Variants in SLC5A1 observed in about 807,000 individuals in gnomAD.
The protein encoded by SLC5A1 is sodium/glucose cotransporter 1.
Under a neutral mutation model 73.5 loss-of-function variants are expected in SLC5A1, and 42 were observed. The ratio of observed to expected loss-of-function variants is 0.57; its 90% CI spans 0.45 to 0.74. The LOEUF (loss-of-function observed/expected upper bound fraction) is 0.74, where lower values mean the gene tolerates loss of function less well. Ranked by LOEUF, SLC5A1 falls within the 30% of genes least tolerant of loss-of-function variation. The pLI, the probability that SLC5A1 is intolerant of heterozygous loss-of-function variation, is 0.00. For synonymous variants in SLC5A1, 300 were observed against 317.4 expected (o/e 0.95, Z 0.58); for missense variants, 634 against 855.4 (o/e 0.74, Z 3.23).
intron 10 of SLC5A1, among the ~76,000 whole-genome samples, chr22:32,090,388 T>C (rs1302440890): frequency 1.3e-5 from 2 of 152,206 alleles, no homozygotes; most frequent in Non-Finnish European, 2.9e-5. Context: ...TTCATATAAA[T>C]AGAATCATAT....
At chr22:32,074,972 A>G (rs1280556019) in intron 5 of SLC5A1, among the ~76,000 whole-genome samples, 3 of 151,884 alleles carry the variant, frequency 2.0e-5, no homozygotes, top group South Asian at 2.1e-4. Flanking sequence ...TCATGGGTCA[A>G]TGCAACCTTA....
intron 10 of SLC5A1, among the ~76,000 whole-genome samples, chr22:32,091,287 A>G (rs1450817403): frequency 2.2e-5 from 3 of 134,392 alleles, no homozygotes; most frequent in African/African-American, 8.9e-5. Flanking sequence ...AGATGGAAAC[A>G]CACATACACA....
At position 32,084,540 on chromosome 22, in the gene SLC5A1, T is replaced by C. The variant is rs999176622; in HGVS notation, c.766T>C (p.Tyr256His). The C allele has an allele frequency of 1.2e-6, 2 of 1,614,258 alleles. No individual in the cohort carries two copies. The highest frequency in any genetic ancestry group is 1.7e-6 in the Non-Finnish European group (2 of 1,180,048). ...DGNTTFQEKC[Y>H]TPRADSFHIF... ...CAACACCACCTTTCAGGAAAAATGC[T>C]ACACTCCAAGGGCCGACTCCTTCCA... The change falls in exon 8 of 15, where the codon TAC becomes CAC. Residue 256 changes from tyrosine to histidine, a missense_variant. Coordinates refer to ENST00000266088, the MANE Select transcript of SLC5A1 (RefSeq NM_000343.4).
At position 32,094,815 on chromosome 22, in the gene SLC5A1, T is replaced by C. The variant is rs575204940; in HGVS notation, c.1280+3053T>C. Among the ~76,000 whole-genome samples, 3 of 151,928 alleles carry C rather than the reference T, an allele frequency of 2.0e-5. No homozygotes were observed. The East Asian group carries it at 5.8e-4, about 29-fold the overall frequency. On this transcript the variant is annotated intron_variant, in intron 11 of 14. Coordinates refer to ENST00000266088, the MANE Select transcript of SLC5A1 (RefSeq NM_000343.4). Reference sequence around the variant, plus strand: ...AACTTTTTGTTTCATTTATCTTTTGTATTTTTTTTTTGGTTTCACTTTCTT... The same window carrying C: ...AACTTTTTGTTTCATTTATCTTTTGCATTTTTTTTTTGGTTTCACTTTCTT...
intron 14 of SLC5A1, among the ~76,000 whole-genome samples, chr22:32,109,417 G>A (rs1451152685): frequency 1.3e-5 from 2 of 152,158 alleles, no homozygotes; most frequent in East Asian, 1.9e-4. Flanking sequence ...ATTAAGCAGT[G>A]CTGATATGTG....
chr22:32,048,968 G>A (rs12159803), intron 1 of SLC5A1, among the ~76,000 whole-genome samples: 4,954 of 151,876 alleles, frequency 0.033, 247 homozygotes, highest in African/African-American at 0.11. Flanking sequence ...TACTCAGGAG[G>A]CTGAGGCACG....
intron 12 of SLC5A1, among the ~76,000 whole-genome samples, 185 bp downstream of exon 12, chr22:32,099,536 G>A (rs898116624): frequency 3.3e-5 from 5 of 151,682 alleles, no homozygotes; most frequent in Admixed American, 6.6e-5. Context: ...TGAGCTCCTC[G>A]GGAGTTGGTA....
At chr22:32,108,524 G>A (rs937115740) in intron 14 of SLC5A1, among the ~76,000 whole-genome samples, 2 of 152,054 alleles carry the variant, frequency 1.3e-5, no homozygotes, top group Non-Finnish European at 2.9e-5. Context: ...AAGGGGAGAG[G>A]TGTGAGTGTG....
chr22:32,083,974 C>T (rs950215598), intron 7 of SLC5A1, among the ~76,000 whole-genome samples: 1 of 152,192 alleles, frequency 6.6e-6, no homozygotes, highest in East Asian at 1.9e-4. Context: ...CATCCCACCA[C>T]ATGCTGGGTC....
chr22:32,107,340 C>T (rs1304449538), intron 14 of SLC5A1, among the ~76,000 whole-genome samples: 1 of 152,178 alleles, frequency 6.6e-6, no homozygotes, highest in African/African-American at 2.4e-5. Flanking sequence ...GCAGACTTAA[C>T]ACTGGTGGGT....
chr22:32,076,473 G>A (rs890207503), intron 5 of SLC5A1, among the ~76,000 whole-genome samples: 7 of 152,190 alleles, frequency 4.6e-5, no homozygotes, highest in East Asian at 1.9e-4. Context: ...GAATGTTCAT[G>A]TCCCCATTTG....
At chr22:32,061,704 A>C (rs1167684319) in intron 2 of SLC5A1, among the ~76,000 whole-genome samples, 1 of 152,234 alleles carries the variant, frequency 6.6e-6, no homozygotes, top group Non-Finnish European at 1.5e-5. Context: ...GGACTGGCCT[A>C]GGTCCTCCGT....
At chr22:32,074,198 CTT>C (rs1217095930) in intron 5 of SLC5A1, among the ~76,000 whole-genome samples, 2 of 152,146 alleles carry the variant, frequency 1.3e-5, no homozygotes, top group Non-Finnish European at 2.9e-5. Context: ...TAAGAGCACT[CTT>C]TGTCCTCAGA....
At chr22:32,096,557 T>C (rs1175052707) in intron 11 of SLC5A1, among the ~76,000 whole-genome samples, 3 of 152,232 alleles carry the variant, frequency 2.0e-5, no homozygotes. Flanking sequence ...GAATATACTC[T>C]GTAAAGTCAG....
In SLC5A1 at chr22:32,099,239, C is replaced by G; in HGVS notation, c.1337C>G (p.Ser446Ter). 6.2e-7 allele frequency: 1 copy of G among 1,612,838 alleles called. No homozygotes were observed. Among genetic ancestry groups the G allele is most frequent in the Non-Finnish European group, 8.5e-7 (1 of 1,179,682 alleles). The stretch of plus-strand genomic sequence containing the variant: ...ATCGCCTGGGTGCCCATTGTGCAGT[C>G]AGCACAAAGTGGGCAACTCTTCGAT... ...ISIAWVPIVQ[S>*]AQSGQLFDYI... Residue 446 changes from serine (S) to a stop codon, truncating the protein, a stop_gained, in exon 12 of 15, where the codon TCA (serine) becomes TGA (stop). Transcript: ENST00000266088. LOFTEE classifies it high-confidence loss of function.
intron 5 of SLC5A1, among the ~76,000 whole-genome samples, chr22:32,080,087 T>C (rs1312884556): frequency 1.3e-5 from 2 of 152,110 alleles, no homozygotes; most frequent in Non-Finnish European, 2.9e-5. Flanking sequence ...CCCAAAGGTT[T>C]GCAGGCCTAG....
At chr22:32,068,666 C>A in intron 5 of SLC5A1, 66 bp downstream of exon 5, 2 of 1,106,424 alleles carry the variant, frequency 1.8e-6, no homozygotes, top group Non-Finnish European at 2.8e-6. Context: ...TCATCACATG[C>A]TGCCCACCAA....
At chr22:32,091,460 A>T in intron 10 of SLC5A1, 152 bp from the exon 11 acceptor site, 2 of 854,114 alleles carry the variant, frequency 2.3e-6, no homozygotes, top group Non-Finnish European at 1.9e-6. Context: ...CCATAGGACT[A>T]CTTCTTAAAG....
chr22:32,082,706 A>G (rs749783951), intron 6 of SLC5A1, among the ~76,000 whole-genome samples: 2 of 152,154 alleles, frequency 1.3e-5, no homozygotes, highest in African/African-American at 4.8e-5. Context: ...AAAGGTAGAC[A>G]TATGTCCCAC....
Sources: allele counts gnomAD v4.1 joint callset (sites outside exome capture counted in the v4.1 genomes callset), GRCh38; gene constraint gnomAD v4.1.1; transcripts MANE v1.5; gene names NCBI Gene and HGNC (gene_info 2026-07-23, HGNC 2026-07-21).